The following CNTN5 variants were observed in gnomAD, a reference collection of about 807,000 sequenced individuals.
The protein encoded by CNTN5 is contactin-5.
A neutral mutation model predicts 129.1 loss-of-function variants in CNTN5; 77 were observed. That is an observed-to-expected ratio of 0.60 (90% confidence interval 0.50 to 0.72). CNTN5 has a LOEUF of 0.72. Among genes scored for constraint, CNTN5 ranks in the 30% least tolerant of loss-of-function variants. CNTN5 has a pLI of 0.00. For missense variants in CNTN5, 1,478 were observed against 1,328.8 expected, an observed-to-expected ratio of 1.11 and a Z score of -1.75; for synonymous variants, 509 against 465.6, an observed-to-expected ratio of 1.09 and a Z score of -1.20.
chr11:100,191,062 G>T (rs758073163), intron 13 of CNTN5, 64 bp from the exon 14 acceptor site: 3 of 1,141,262 alleles, frequency 2.6e-6, no homozygotes, highest in Non-Finnish European at 3.8e-6. Flanking sequence ...CTTCATCATT[G>T]GTTCTTACTA....
intron 2 of CNTN5, among the ~76,000 whole-genome samples, chr11:99,449,048 C>T (rs1198526854): frequency 2.6e-5 from 4 of 152,022 alleles, no homozygotes; most frequent in Non-Finnish European, 4.4e-5. Flanking sequence ...CTCCAAAGTG[C>T]TGTGTTTACA....
chr11:99,826,298 G>C (rs890467209), intron 4 of CNTN5, among the ~76,000 whole-genome samples: 3 of 151,900 alleles, frequency 2.0e-5, no homozygotes, highest in Non-Finnish European at 2.9e-5. Context: ...AGTTCTGTTG[G>C]GGCTATTGAG....
intron 3 of CNTN5, among the ~76,000 whole-genome samples, chr11:99,658,765 G>C: frequency 6.7e-6 from 1 of 149,782 alleles, no homozygotes; most frequent in East Asian, 2.0e-4. Context: ...GCACATGCCT[G>C]TAATCCCAGC....
chr11:100,092,961 G>A (rs1008788184), intron 13 of CNTN5, among the ~76,000 whole-genome samples: 5 of 151,996 alleles, frequency 3.3e-5, no homozygotes, highest in African/African-American at 2.4e-5. Flanking sequence ...ATCCCTACTC[G>A]CCCTGGTTTT....
At chr11:99,026,884 T>G (rs1863132165) in intron 1 of CNTN5, among the ~76,000 whole-genome samples, 1 of 151,588 alleles carries the variant, frequency 6.6e-6, no homozygotes, top group African/African-American at 2.4e-5. Flanking sequence ...ATCCTTATAT[T>G]AGAATATAAA....
chr11:100,293,475 T>C (rs1401008760), intron 18 of CNTN5, among the ~76,000 whole-genome samples: 7 of 151,918 alleles, frequency 4.6e-5, no homozygotes, highest in Middle Eastern at 3.4e-3. Flanking sequence ...TGCGTGTGTA[T>C]AGACTCACGA....
chr11:100,224,346 A>C (rs2138628264), intron 15 of CNTN5, among the ~76,000 whole-genome samples: 1 of 152,246 alleles, frequency 6.6e-6, no homozygotes, highest in South Asian at 2.1e-4. Context: ...TTTTCTTGCC[A>C]CAAAATACAC....
chr11:99,094,835 A>G (rs1040268083), intron 1 of CNTN5, among the ~76,000 whole-genome samples: 1 of 151,930 alleles, frequency 6.6e-6, no homozygotes, highest in Non-Finnish European at 1.5e-5. Flanking sequence ...TACAGCAGTC[A>G]TTAGTGTGAG....
chr11:100,060,896 C>T (rs1019726695), intron 9 of CNTN5, among the ~76,000 whole-genome samples: 1 of 152,072 alleles, frequency 6.6e-6, no homozygotes, highest in African/African-American at 2.4e-5. Flanking sequence ...CCGCCTTGGC[C>T]TCCCAAAGTG....
intron 3 of CNTN5, among the ~76,000 whole-genome samples, chr11:99,727,878 C>T (rs1351855420): frequency 6.6e-6 from 1 of 150,872 alleles, no homozygotes; most frequent in Non-Finnish European, 1.5e-5. Context: ...CTTATTTAAT[C>T]TGCACAATTA....
At chr11:99,726,759 A>C (rs1486896929) in intron 3 of CNTN5, among the ~76,000 whole-genome samples, 1 of 152,182 alleles carries the variant, frequency 6.6e-6, no homozygotes, top group East Asian at 1.9e-4. Flanking sequence ...TTAGACATTT[A>C]GGAGAATGTC....
intron 10 of CNTN5, among the ~76,000 whole-genome samples, chr11:100,065,179 G>A (rs539417981): frequency 2.6e-5 from 4 of 152,168 alleles, no homozygotes; most frequent in African/African-American, 9.6e-5. Context: ...GTGTAGAGTG[G>A]TATTATAGAT....
At chr11:99,370,182 C>T (rs145533078) in intron 2 of CNTN5, among the ~76,000 whole-genome samples, 7 of 152,280 alleles carry the variant, frequency 4.6e-5, no homozygotes, top group African/African-American at 1.4e-4. Context: ...GTCAGGAAAG[C>T]TTAGCTCTGT....
Position 99,672,216 on chromosome 11 carries a change from C to T in CNTN5, c.55+115947C>T, listed in dbSNP as rs1047717015. Among the ~76,000 whole-genome samples the T allele has an allele frequency of 3.3e-5, 5 of 152,178 alleles. No individual in the cohort carries two copies. In the East Asian group the frequency reaches 9.6e-4, roughly 29 times the overall value. On this transcript the variant is annotated intron_variant, in intron 3 of 24. Transcript: ENST00000524871. ...TGACAGCTGTCTGTGGTTTGCACTTCACTCAAACTTTTTTCCTTTTGCTCT... is the reference window on the plus strand; with the variant it reads ...TGACAGCTGTCTGTGGTTTGCACTTTACTCAAACTTTTTTCCTTTTGCTCT...
At position 99,544,313 on chromosome 11, in the gene CNTN5, T is replaced by A. The variant is rs143482155; in HGVS notation, c.-70-11832T>A. ...GACTTCCAACACTGCGAATTACAAC[T>A]CAACATGAGATTTAGAGGTTACAAC... On this transcript the variant is annotated intron_variant, in intron 2 of 24. Coordinates refer to ENST00000524871, the MANE Select transcript of CNTN5 (RefSeq NM_014361.4). Among the ~76,000 whole-genome samples, 383 of 152,302 alleles carry A rather than the reference T, an allele frequency of 2.5e-3. 2 individuals are homozygous for A. Among genetic ancestry groups the A allele is most frequent in the African/African-American group, 8.6e-3 (358 of 41,550 alleles).
intron 3 of CNTN5, among the ~76,000 whole-genome samples, chr11:99,644,560 A>G (rs987769744): frequency 4.6e-5 from 7 of 152,190 alleles, no homozygotes; most frequent in Admixed American, 1.3e-4. Context: ...ACAGATTCCC[A>G]TCAATATTGT....
At position 99,947,090 on chromosome 11, in the gene CNTN5, TTA is replaced by T. The variant is rs1216123620; in HGVS notation, c.674-9713_674-9712del. ...AAAATTAGAAAAAATATAAACATGA[TTA>T]TAAAAATTAAAAACTATGTGATTTT... On this transcript the variant is annotated intron_variant, in intron 7 of 24. Transcript: ENST00000524871. Among the ~76,000 whole-genome samples the T allele has an allele frequency of 8.9e-5, 13 of 146,080 alleles. No individual in the cohort carries two copies. The East Asian group carries it at 2.6e-3, about 29-fold the overall frequency.
chr11:99,981,726 T>A lies in CNTN5; in HGVS notation c.878-20308T>A, dbSNP rs894605418. On this transcript the variant is annotated intron_variant, in intron 8 of 24. Transcript: ENST00000524871. ...TGATGTCTTCCTGGTCCTGAGTAAT[T>A]ATAAATTCTTTAATGTATTTGAGGA... is the stretch of plus-strand genomic sequence containing the variant. Among the ~76,000 whole-genome samples, 3 of 152,180 alleles carry A rather than the reference T, an allele frequency of 2.0e-5. No individual in the cohort carries two copies. The South Asian group carries it at 6.2e-4, about 32-fold the overall frequency.
chr11:99,270,643 A>T (rs1863128884), intron 1 of CNTN5, among the ~76,000 whole-genome samples: 1 of 151,938 alleles, frequency 6.6e-6, no homozygotes, highest in Non-Finnish European at 1.5e-5. Context: ...TTTTTCTATT[A>T]ATAAAATTTT....
Sources: gnomAD v4.1 joint callset for allele counts (sites outside exome capture counted in the v4.1 genomes callset) on GRCh38, gnomAD v4.1.1 for gene constraint, MANE v1.5 for transcripts, NCBI Gene and HGNC (gene_info 2026-07-23, HGNC 2026-07-21) for gene names.